C1QTNF3: variants seen among roughly 807,000 people sequenced by gnomAD.
C1QTNF3 encodes C1q and TNF related 3, also known as complement C1q tumor necrosis factor-related protein 3.
In C1QTNF3, 26 loss-of-function variants were observed where a neutral mutation model predicts 32.6. The ratio of observed to expected loss-of-function variants is 0.80; its 90% CI spans 0.58 to 1.11. The LOEUF is 1.11. Among genes scored for constraint, C1QTNF3 ranks in the 50% least tolerant of loss-of-function variants. The pLI, the probability that C1QTNF3 is intolerant of heterozygous loss-of-function variation, is 0.00. For missense variants in C1QTNF3, 362 were observed against 398.2 expected (o/e 0.91, Z 0.77); for synonymous variants, 155 against 146.0 (o/e 1.06, Z -0.44).
At chr5:34,099,003 G>C in the C1QTNF3 span, among the ~76,000 whole-genome samples, 14 of 152,350 alleles carry the variant, frequency 9.2e-5, no homozygotes, top group African/African-American at 3.4e-4. Flanking sequence ...AACTGGAACT[G>C]TGTTAGACAG....
upstream of C1QTNF3, among the ~76,000 whole-genome samples, chr5:34,047,525 C>T (rs910656707): frequency 9.9e-5 from 15 of 152,128 alleles, no homozygotes; most frequent in African/African-American, 3.4e-4. Context: ...TGTATCAGTG[C>T]CAACTTAAAG....
chr5:34,176,010 G>C, the C1QTNF3 span: 1 of 700,302 alleles, frequency 1.4e-6, no homozygotes, highest in Admixed American at 2.1e-5. Context: ...GTAAATGTTA[G>C]ATAAAAATAA....
At chr5:34,056,420 ATGTG>A in the C1QTNF3 span, among the ~76,000 whole-genome samples, 499 of 38,618 alleles carry the variant, frequency 0.013, 17 homozygotes, top group African/African-American at 0.034. Flanking sequence ...ATGTATATGT[ATGTG>A]TGTGTGTGTG....
At chr5:34,090,001 G>C in the C1QTNF3 span, among the ~76,000 whole-genome samples, 30 of 152,140 alleles carry the variant, frequency 2.0e-4, no homozygotes, top group African/African-American at 7.0e-4. Flanking sequence ...CATAATCATA[G>C]CTCTATTTCC....
At chr5:34,170,859 G>T in the C1QTNF3 span, among the ~76,000 whole-genome samples, 4 of 151,910 alleles carry the variant, frequency 2.6e-5, no homozygotes, top group Non-Finnish European at 4.4e-5. Flanking sequence ...AAGAATCTTA[G>T]AATATTTTCT....
chr5:34,099,397 A>G, the C1QTNF3 span, among the ~76,000 whole-genome samples: 10 of 152,258 alleles, frequency 6.6e-5, no homozygotes. Flanking sequence ...GAGAAAATAT[A>G]GCTACATTTA....
the C1QTNF3 span, among the ~76,000 whole-genome samples, chr5:34,214,919 T>C: frequency 6.6e-6 from 1 of 152,216 alleles, no homozygotes; most frequent in African/African-American, 2.4e-5. Flanking sequence ...TTACTAACTG[T>C]AAAATAACCT....
the C1QTNF3 span, among the ~76,000 whole-genome samples, chr5:34,100,383 G>T: frequency 1.3e-5 from 2 of 150,498 alleles, no homozygotes; most frequent in South Asian, 4.2e-4. Context: ...GACTACAGCA[G>T]TGAATTTGTT....
chr5:34,042,948 G>A lies in C1QTNF3; in HGVS notation c.178C>T (p.Arg60Trp). 1.9e-6 allele frequency: 3 copies of A among 1,614,166 alleles called. No homozygotes were observed. Among genetic ancestry groups the A allele is most frequent in the South Asian group, 1.1e-5 (1 of 91,084 alleles). Residue 60 changes from arginine to tryptophan, a missense_variant, in exon 1 of 6, where the codon CGG becomes TGG. Arg to Trp is a moderately radical substitution (Grantham distance 101). Transcript: ENST00000382065. Reference sequence around the variant, plus strand: ...ACAGTCCCAGTTTTAGGATGGCTCCGCTCTCTCACTTTCTCCCTCCTGGAG... The same window carrying A: ...ACAGTCCCAGTTTTAGGATGGCTCCACTCTCTCACTTTCTCCCTCCTGGAG... ...SGSRREKVRE[R>W]SHPKTGTVDN...
At chr5:34,165,749 T>C in the C1QTNF3 span, 1 of 151,782 alleles carries the variant, frequency 6.6e-6, no homozygotes, top group Non-Finnish European at 1.5e-5. Context: ...AGTTCAATCT[T>C]TTTTTAAAAA....
the C1QTNF3 span, among the ~76,000 whole-genome samples, chr5:34,242,383 C>T: frequency 6.6e-6 from 1 of 152,098 alleles, no homozygotes; most frequent in African/African-American, 2.4e-5. Flanking sequence ...GGATCGTGGA[C>T]AAGGCCAACA....
the C1QTNF3 span, among the ~76,000 whole-genome samples, chr5:34,053,534 T>C: frequency 6.6e-6 from 1 of 152,194 alleles, no homozygotes; most frequent in African/African-American, 2.4e-5. Flanking sequence ...CATAACTGCA[T>C]CCTTGGATGG....
At chr5:34,134,904 A>T in the C1QTNF3 span, among the ~76,000 whole-genome samples, 1 of 152,070 alleles carries the variant, frequency 6.6e-6, no homozygotes, top group Non-Finnish European at 1.5e-5. Context: ...CTAATTGAAT[A>T]CCCTTTATTT....
At chr5:34,186,254 A>G in the C1QTNF3 span, among the ~76,000 whole-genome samples, 5 of 152,430 alleles carry the variant, frequency 3.3e-5, no homozygotes, top group African/African-American at 1.2e-4. Flanking sequence ...CCACTGATCC[A>G]AGGGGGAACA....
chr5:34,057,887 T>G, the C1QTNF3 span, among the ~76,000 whole-genome samples: 2 of 152,190 alleles, frequency 1.3e-5, no homozygotes, highest in Admixed American at 1.3e-4. Context: ...TTTCTTACCA[T>G]TGTAAACATG....
chr5:34,130,161 A>G, the C1QTNF3 span, among the ~76,000 whole-genome samples: 1 of 151,982 alleles, frequency 6.6e-6, no homozygotes, highest in Non-Finnish European at 1.5e-5. Flanking sequence ...ATACATACAT[A>G]TATAAATATA....
At chr5:34,089,903 A>T in the C1QTNF3 span, among the ~76,000 whole-genome samples, 4 of 152,240 alleles carry the variant, frequency 2.6e-5, no homozygotes, top group African/African-American at 4.8e-5. Context: ...CATTCATTGT[A>T]TAAAAGACAT....
At chr5:34,169,012 G>T in the C1QTNF3 span, 4 of 152,054 alleles carry the variant, frequency 2.6e-5, no homozygotes, top group Non-Finnish European at 5.9e-5. Context: ...GAGGGAGTTT[G>T]GTCCCTATTC....
chr5:34,145,217 C>G, the C1QTNF3 span, among the ~76,000 whole-genome samples: 1 of 151,996 alleles, frequency 6.6e-6, no homozygotes, highest in African/African-American at 2.4e-5. Flanking sequence ...ATACATGAAA[C>G]CAAGAGCTGG....
Sources: gnomAD v4.1 joint callset for allele counts (sites outside exome capture counted in the v4.1 genomes callset) on GRCh38, gnomAD v4.1.1 for gene constraint, MANE v1.5 for transcripts, NCBI Gene and HGNC (gene_info 2026-07-23, HGNC 2026-07-21) for gene names.